GLRB: variants seen among roughly 807,000 people sequenced by gnomAD.
GLRB encodes glycine receptor beta.
GLRB carries 33 observed loss-of-function variants against 54.2 expected under a neutral mutation model. That is an observed-to-expected ratio of 0.61 (90% CI 0.46 to 0.81). The LOEUF (loss-of-function observed/expected upper bound fraction) is 0.81, where lower values mean the gene tolerates loss of function less well. Ranked by LOEUF, GLRB falls within the 40% of genes least tolerant of loss-of-function variation. The pLI is 0.00. For missense variants in GLRB, 572 were observed against 584.6 expected (o/e 0.98, Z 0.22); for synonymous variants, 209 against 208.2 (o/e 1.00, Z -0.03).
At chr4:157,080,376 A>T (rs563774122) in intron 2 of GLRB, among the ~76,000 whole-genome samples, 56 of 152,182 alleles carry the variant, frequency 3.7e-4, no homozygotes, top group Non-Finnish European at 7.4e-4. Flanking sequence ...CTTTATTAAC[A>T]GTTGTGATGT....
rs73856827 is a variant in GLRB, at chr4:157,094,499, A to G, written c.122+16353A>G. 6.3e-3 allele frequency among the ~76,000 whole-genome samples: 964 copies of G among 152,342 alleles called. 8 individuals carry two copies. The highest frequency in any genetic ancestry group is 0.021 in the African/African-American group (893 of 41,588). Reference sequence around the variant, plus strand: ...ATACACCTATACACACATACCAATAAAAAGTTGTTGAGAATATACAAATAA... The same window carrying G: ...ATACACCTATACACACATACCAATAGAAAGTTGTTGAGAATATACAAATAA... On this transcript the variant is annotated intron_variant, in intron 2 of 9. Coordinates refer to ENST00000264428, the MANE Select transcript of GLRB (RefSeq NM_000824.5).
intron 2 of GLRB, among the ~76,000 whole-genome samples, chr4:157,102,455 G>A (rs1368441995): frequency 6.6e-6 from 1 of 151,984 alleles, no homozygotes; most frequent in African/African-American, 2.4e-5. Context: ...TCTGTGATTG[G>A]CTTATTTCAT....
At chr4:157,115,166 G>A (rs1357118823) in intron 2 of GLRB, among the ~76,000 whole-genome samples, 1 of 148,846 alleles carries the variant, frequency 6.7e-6, no homozygotes, top group Non-Finnish European at 1.5e-5. Context: ...ACTTTATTTT[G>A]TTGCTCAAAT....
rs1398245884 is a variant in GLRB at position 157,099,855 on chromosome 4, C to T, written c.123-20701C>T. Among the ~76,000 whole-genome samples the T allele has an allele frequency of 3.9e-5, 6 of 152,262 alleles. No homozygotes were observed. The East Asian group carries it at 1.2e-3, about 29-fold the overall frequency. ...TGGTAATCATTTTAATTTTAACCAT[C>T]TTCTGTGAGTATAATGTTATCTCAG... On this transcript the variant is annotated intron_variant, in intron 2 of 9. Transcript: ENST00000264428.
chr4:157,167,042 G>T (rs1378218324), intron 9 of GLRB, among the ~76,000 whole-genome samples: 1 of 152,000 alleles, frequency 6.6e-6, no homozygotes, highest in South Asian at 2.1e-4. Flanking sequence ...ATAAAAATAT[G>T]ATTTATAGCA....
At chr4:157,114,497 T>A (rs1298524970) in intron 2 of GLRB, among the ~76,000 whole-genome samples, 1 of 151,842 alleles carries the variant, frequency 6.6e-6, no homozygotes, top group African/African-American at 2.4e-5. Context: ...TTTTTTACAA[T>A]TAAAGAGCTA....
intron 2 of GLRB, among the ~76,000 whole-genome samples, chr4:157,118,274 C>G (rs1735679058): frequency 6.6e-6 from 1 of 151,658 alleles, no homozygotes; most frequent in African/African-American, 2.4e-5. Flanking sequence ...TGATCCAATA[C>G]AAGTGTATTT....
intron 2 of GLRB, among the ~76,000 whole-genome samples, chr4:157,082,968 A>T (rs917189302): frequency 4.2e-5 from 6 of 144,088 alleles, no homozygotes; most frequent in African/African-American, 1.0e-4. Flanking sequence ...AGTGTTTTAT[A>T]TATATATATA....
At chr4:157,092,355 C>A (rs1348558308) in intron 2 of GLRB, among the ~76,000 whole-genome samples, 1 of 152,114 alleles carries the variant, frequency 6.6e-6, no homozygotes, top group Non-Finnish European at 1.5e-5. Context: ...CACACAGCTT[C>A]TCTGATAGTA....
intron 7 of GLRB, among the ~76,000 whole-genome samples, chr4:157,142,193 T>C (rs1246421940): frequency 6.6e-6 from 1 of 152,094 alleles, no homozygotes; most frequent in African/African-American, 2.4e-5. Flanking sequence ...TTCTTATTTG[T>C]CCAGGCAGAG....
chr4:157,159,467 G>A (rs1044351994), intron 9 of GLRB, among the ~76,000 whole-genome samples: 1 of 152,100 alleles, frequency 6.6e-6, no homozygotes, highest in Admixed American at 6.6e-5. Flanking sequence ...TGGGCTGTGG[G>A]TTTGTCATAA....
chr4:157,140,611 T>C (rs748974305), intron 7 of GLRB, among the ~76,000 whole-genome samples: 18 of 151,986 alleles, frequency 1.2e-4, no homozygotes, highest in Admixed American at 1.3e-4. Flanking sequence ...TAAGTACTTT[T>C]ATTATCCTCA....
intron 2 of GLRB, among the ~76,000 whole-genome samples, chr4:157,107,558 C>A (rs1011896982): frequency 1.3e-5 from 2 of 152,028 alleles, no homozygotes; most frequent in Non-Finnish European, 2.9e-5. Flanking sequence ...TAATCCTAAG[C>A]AAGGCCCTAA....
At chr4:157,102,259 G>A (rs1484209918) in intron 2 of GLRB, among the ~76,000 whole-genome samples, 1 of 152,120 alleles carries the variant, frequency 6.6e-6, no homozygotes, top group East Asian at 1.9e-4. Flanking sequence ...GTACAATACA[G>A]TACTGTTAAC....
chr4:157,113,607 A>G (rs1373008219), intron 2 of GLRB, among the ~76,000 whole-genome samples: 2 of 151,980 alleles, frequency 1.3e-5, no homozygotes, highest in Non-Finnish European at 2.9e-5. Flanking sequence ...TACTTTATGC[A>G]AAATATTTTT....
At chr4:157,161,443 C>G (rs938634844) in intron 9 of GLRB, among the ~76,000 whole-genome samples, 2 of 152,118 alleles carry the variant, frequency 1.3e-5, no homozygotes, top group African/African-American at 4.8e-5. Context: ...CTTTACAATT[C>G]AGCATGTTTT....
chr4:157,126,803 G>A (rs908187955), intron 4 of GLRB, among the ~76,000 whole-genome samples: 3 of 151,838 alleles, frequency 2.0e-5, no homozygotes, highest in South Asian at 2.1e-4. Context: ...GGGTATTATC[G>A]TGTATTGTCA....
At position 157,170,958 on chromosome 4, in the gene GLRB, A is replaced by G; in HGVS notation, c.*230A>G. On this transcript the variant is annotated 3_prime_UTR_variant, in exon 10 of 10. Transcript: ENST00000264428. The stretch of plus-strand genomic sequence containing the variant: ...ATAGTGAACATATTGCTTAGTAACA[A>G]ATGAAGGACAAGCATACTACATAAT... The G allele has an allele frequency of 2.6e-6, 1 of 387,486 alleles. No individual in the cohort carries two copies. Among genetic ancestry groups the G allele is most frequent in the South Asian group, 5.5e-5 (1 of 18,106 alleles). 24.0% of individuals were successfully genotyped at this position (387,486 alleles called of 1,614,324 possible).
intron 4 of GLRB, among the ~76,000 whole-genome samples, chr4:157,128,853 C>G (rs550821298): frequency 6.6e-6 from 1 of 151,726 alleles, no homozygotes; most frequent in Non-Finnish European, 1.5e-5. Flanking sequence ...CCTTTTCAAA[C>G]CAGGCTTTTA....
Sources: allele counts gnomAD v4.1 joint callset (sites outside exome capture counted in the v4.1 genomes callset), GRCh38; gene constraint gnomAD v4.1.1; transcripts MANE v1.5; gene names NCBI Gene and HGNC (gene_info 2026-07-23, HGNC 2026-07-21).